DCAF8L2: variants seen among roughly 807,000 people sequenced by gnomAD.
DCAF8L2 encodes the protein DDB1 and CUL4 associated factor 8 like 2.
For synonymous variants in DCAF8L2, 200 were observed against 190.9 expected (o/e 1.05, Z -0.39); for missense variants, 430 against 490.7 (o/e 0.88, Z 1.17).
chrX:27,657,876 C>T (rs1200376079), intron 2 of DCAF8L2, among the ~76,000 whole-genome samples: 1 of 111,871 alleles, frequency 8.9e-6, no homozygotes, highest in Admixed American at 9.5e-5. Flanking sequence ...TATATACCCC[C>T]GGATGTAGTT....
At chrX:27,680,242 T>A (rs1318432114) in intron 3 of DCAF8L2, among the ~76,000 whole-genome samples, 1 of 111,113 alleles carries the variant, frequency 9.0e-6, no homozygotes, top group Non-Finnish European at 1.9e-5. Flanking sequence ...AGTCGTCATA[T>A]CTCTATGGCA....
chrX:27,554,527 T>C, the DCAF8L2 span, among the ~76,000 whole-genome samples: 64 of 111,954 alleles, frequency 5.7e-4, no homozygotes, highest in South Asian at 1.1e-3. Context: ...GGTCGTGCTA[T>C]ACAATTCAAC....
the DCAF8L2 span, among the ~76,000 whole-genome samples, chrX:27,509,334 A>G: frequency 9.9e-5 from 11 of 111,613 alleles, no homozygotes; most frequent in East Asian, 1.7e-3. Flanking sequence ...TAAGTTCAGC[A>G]CCTGACTTTG....
At chrX:27,602,260 C>T (rs746857066) in intron 1 of DCAF8L2, among the ~76,000 whole-genome samples, 1 of 110,963 alleles carries the variant, frequency 9.0e-6, no homozygotes, top group East Asian at 2.8e-4. Context: ...GTCTTGAACT[C>T]CCGACCTCAG....
intron 4 of DCAF8L2, among the ~76,000 whole-genome samples, chrX:27,727,878 T>C (rs780605129): frequency 8.9e-5 from 10 of 111,861 alleles, no homozygotes; most frequent in Non-Finnish European, 1.9e-4. Flanking sequence ...TGGATATGTT[T>C]AATTATATTT....
chrX:27,724,367 CA>C (rs1303585475), intron 4 of DCAF8L2, among the ~76,000 whole-genome samples: 2 of 110,657 alleles, frequency 1.8e-5, no homozygotes, highest in Admixed American at 9.7e-5. Context: ...AACTATAAGA[CA>C]AAAAACAGTA....
At chrX:27,514,030 G>A in the DCAF8L2 span, among the ~76,000 whole-genome samples, 1 of 112,006 alleles carries the variant, frequency 8.9e-6, no homozygotes, top group Non-Finnish European at 1.9e-5. Flanking sequence ...AATGACATCA[G>A]TATGTTGAAG....
chrX:27,583,829 C>G, the DCAF8L2 span, among the ~76,000 whole-genome samples: 1 of 111,888 alleles, frequency 8.9e-6, no homozygotes, highest in Non-Finnish European at 1.9e-5. Context: ...AAACCGATCC[C>G]TGGTGCTAAA....
the DCAF8L2 span, among the ~76,000 whole-genome samples, chrX:27,532,370 C>T: frequency 9.0e-6 from 1 of 111,459 alleles, no homozygotes; most frequent in South Asian, 3.7e-4. Flanking sequence ...GAAAGGGCTT[C>T]CACTAGCCAA....
chrX:27,567,115 T>A, the DCAF8L2 span, among the ~76,000 whole-genome samples: 9 of 111,653 alleles, frequency 8.1e-5, no homozygotes, highest in East Asian at 2.3e-3. Flanking sequence ...ATTTTTGATC[T>A]TCTTAAATCT....
At chrX:27,577,780 G>C in the DCAF8L2 span, among the ~76,000 whole-genome samples, 1 of 111,180 alleles carries the variant, frequency 9.0e-6, no homozygotes. Context: ...AGGGAAATAT[G>C]AATGAACTCC....
At chrX:27,611,929 A>G (rs1167876002) in intron 1 of DCAF8L2, among the ~76,000 whole-genome samples, 1 of 111,613 alleles carries the variant, frequency 9.0e-6, no homozygotes, top group Non-Finnish European at 1.9e-5. Context: ...TTACAGTAGC[A>G]TGATTTATAA....
intron 3 of DCAF8L2, among the ~76,000 whole-genome samples, chrX:27,709,637 G>T (rs1384070638): frequency 1.8e-5 from 2 of 111,645 alleles, no homozygotes; most frequent in Admixed American, 1.9e-4. Flanking sequence ...CAGCTGATTA[G>T]CAAATCTTAA....
chrX:27,738,697 A>C (rs374694279), intron 4 of DCAF8L2, among the ~76,000 whole-genome samples: 10 of 112,026 alleles, frequency 8.9e-5, no homozygotes, highest in East Asian at 2.8e-4. Flanking sequence ...TGAAACTACA[A>C]GTGGCCTGAT....
chrX:27,592,414 T>TG (rs1277591520), intron 1 of DCAF8L2, among the ~76,000 whole-genome samples: 3 of 49,487 alleles, frequency 6.1e-5, no homozygotes, highest in South Asian at 1.3e-3. Context: ...TTTGTTTGTT[T>TG]TTGTTTTTTT....
At chrX:27,638,260 A>C (rs1011176201) in intron 2 of DCAF8L2, among the ~76,000 whole-genome samples, 1 of 111,843 alleles carries the variant, frequency 8.9e-6, no homozygotes, top group Non-Finnish European at 1.9e-5. Flanking sequence ...TAATGGACTC[A>C]GATCTCAACA....
chrX:27,629,583 A>C (rs914230242), intron 1 of DCAF8L2, among the ~76,000 whole-genome samples: 10 of 108,143 alleles, frequency 9.2e-5, no homozygotes, highest in African/African-American at 3.4e-4. Flanking sequence ...TCCTTTCCCC[A>C]TTGTGCATTA....
the DCAF8L2 span, among the ~76,000 whole-genome samples, chrX:27,559,343 G>A: frequency 3.5e-4 from 39 of 111,618 alleles, no homozygotes; most frequent in African/African-American, 1.0e-3. Context: ...TGCTAGTTGA[G>A]GACCTTTCAG....
chrX:27,578,550 A>G, the DCAF8L2 span, among the ~76,000 whole-genome samples: 10 of 112,067 alleles, frequency 8.9e-5, no homozygotes, highest in Non-Finnish European at 1.7e-4. Flanking sequence ...GCCAAAATTG[A>G]CAAGTGGGAT....
Sources: allele counts gnomAD v4.1 joint callset (sites outside exome capture counted in the v4.1 genomes callset), GRCh38; gene constraint gnomAD v4.1.1; transcripts MANE v1.5; gene names NCBI Gene and HGNC (gene_info 2026-07-23, HGNC 2026-07-21).